Variants in RMND5B observed in about 807,000 individuals in gnomAD.
RMND5B encodes the protein E3 ubiquitin-protein transferase RMND5B.
In RMND5B, 42 loss-of-function variants were observed where a neutral mutation model predicts 50.4. The observed-to-expected ratio is 0.83, with a 90% CI of 0.65 to 1.08. The LOEUF is 1.08. Among genes scored for constraint, RMND5B ranks in the 50% least tolerant of loss-of-function variants. RMND5B has a pLI of 0.00. For missense variants in RMND5B, 463 were observed against 508.5 expected, an observed-to-expected ratio of 0.91 and a Z score of 0.86; for synonymous variants, 220 against 210.0, an observed-to-expected ratio of 1.05 and a Z score of -0.41.
At position 178,138,300 on chromosome 5, in the gene RMND5B, G is replaced by A; in HGVS notation, c.139+42G>A. The A allele has an allele frequency of 6.2e-7, 1 of 1,601,522 alleles. No individual in the cohort carries two copies. The highest frequency in any genetic ancestry group is 8.5e-7 in the Non-Finnish European group (1 of 1,173,628). ...GCAAGTGCCCTGCGACAGCCTCCCT[G>A]AGGACATGGGAGACCCGAAGCTACT... On this transcript the variant is annotated intron_variant, in intron 3 of 10. Coordinates refer to ENST00000313386, the MANE Select transcript of RMND5B (RefSeq NM_022762.5). The surrounding 1 kb of genome is among the most constrained non-coding windows in gnomAD (Gnocchi z 5.1).
rs780040819 is a variant in RMND5B at position 178,144,124 on chromosome 5, G to C, written c.694+16G>C. The C allele has an allele frequency of 5.7e-5, 91 of 1,610,138 alleles. No individual in the cohort carries two copies. The highest frequency in any genetic ancestry group is 7.3e-5 in the Non-Finnish European group (86 of 1,177,652). On this transcript the variant is annotated intron_variant, in intron 7 of 10. Coordinates refer to ENST00000313386, the MANE Select transcript of RMND5B (RefSeq NM_022762.5). Reference sequence around the variant, plus strand: ...CACCAGCGGGGTGAGTGCCCAGGCAGCTGGGGTTGTGCTGCCTGGCCTGAC... The same window carrying C: ...CACCAGCGGGGTGAGTGCCCAGGCACCTGGGGTTGTGCTGCCTGGCCTGAC...
chr5:178,143,948 C>A lies in RMND5B; in HGVS notation c.534C>A (p.Ala178=), dbSNP rs140368602. ...EQDLGPALEW[A]VSHRQRLLEL... ...CTGGCCCCTTTCTTCCCAGATGGGC[C>A]GTCTCCCACAGGCAGCGCCTGCTGG... Residue 178 remains alanine (A), a synonymous_variant, in exon 7 of 11, where the codon GCC becomes GCA. Transcript: ENST00000313386. 1.2e-6 allele frequency: 2 copies of A among 1,614,156 alleles called. No individual in the cohort carries two copies. The highest frequency in any genetic ancestry group is 1.7e-6 in the Non-Finnish European group (2 of 1,179,986).
At chr5:178,144,673 C>T (rs1175233442) in intron 7 of RMND5B, among the ~76,000 whole-genome samples, 5 of 149,472 alleles carry the variant, frequency 3.3e-5, no homozygotes, top group Admixed American at 6.7e-5. Context: ...GGAGCTTGAT[C>T]GCGCCACTGC....
intron 8 of RMND5B, chr5:178,146,585 A>G (rs1756019684): frequency 6.5e-6 from 2 of 307,890 alleles, no homozygotes; most frequent in East Asian, 1.2e-4. Flanking sequence ...CTTCCCAGCT[A>G]ACCCACGCCC....
chr5:178,135,324 G>A (rs1758565250), intron 2 of RMND5B: 2 of 197,232 alleles, frequency 1.0e-5, no homozygotes, highest in Admixed American at 5.9e-5. Flanking sequence ...TAAATTTGCC[G>A]TGTTGCCCAA....
In RMND5B at chr5:178,137,505, CAG is replaced by C. The variant is rs982640675; in HGVS notation, c.-12-597_-12-596del. The stretch of plus-strand genomic sequence containing the variant: ...GAGTTTGAGACCAGCCAGGGCAACA[CAG>C]AGAGACCCGTCTCTACGAAAAAAAA... On this transcript the variant is annotated intron_variant, in intron 2 of 10. Transcript: ENST00000313386. The surrounding 1 kb of genome is among the most constrained non-coding windows in gnomAD (Gnocchi z 4.4). 1.3e-5 allele frequency among the ~76,000 whole-genome samples: 2 copies of C among 151,944 alleles called. No homozygotes were observed. Among genetic ancestry groups the C allele is most frequent in the African/African-American group, 4.8e-5 (2 of 41,356 alleles).
chr5:178,148,252 AT>A lies in RMND5B; in HGVS notation c.*221del. ...GGCTCCATGGCATAAGGAAAGGGAGATGCTGGCCTCTGTGCTCCTGCTGTCT... is the reference window on the plus strand; with the variant it reads ...GGCTCCATGGCATAAGGAAAGGGAGAGCTGGCCTCTGTGCTCCTGCTGTCT... On this transcript the variant is annotated 3_prime_UTR_variant, in exon 11 of 11. Transcript: ENST00000313386. The A allele has an allele frequency of 1.7e-6, 1 of 597,184 alleles. No homozygotes were observed. The highest frequency in any genetic ancestry group is 3.0e-6 in the Non-Finnish European group (1 of 335,594). 37.0% of individuals were successfully genotyped at this position (597,184 alleles called of 1,614,324 possible).
At chr5:178,136,390 T>C (rs1249420314) in intron 2 of RMND5B, 1 of 152,180 alleles carries the variant, frequency 6.6e-6, no homozygotes. Context: ...TTTGCCATAA[T>C]GGGTCACATT....
At chr5:178,147,389 A>G (rs968786481) in intron 8 of RMND5B, 144 bp from the exon 9 acceptor site, 1 of 634,366 alleles carries the variant, frequency 1.6e-6, no homozygotes, top group Non-Finnish European at 2.8e-6. Context: ...TCTTATGAAC[A>G]ATGTGAGGGA....
chr5:178,148,163 A>G lies in RMND5B; in HGVS notation c.*131A>G. ...CTGGCTGAGGAGTTCCACTGAGGGG[A>G]GCACTGGAGCAGCCCTTTGGCAGAG... On this transcript the variant is annotated 3_prime_UTR_variant, in exon 11 of 11. Transcript: ENST00000313386. 2.4e-6 allele frequency: 2 copies of G among 840,108 alleles called. No homozygotes were observed. The highest frequency in any genetic ancestry group is 3.9e-6 in the Non-Finnish European group (2 of 511,852). The allele number at this position is 840,108 out of a possible 1,614,324, so 52.0% of individuals were successfully genotyped here.
intron 3 of RMND5B, chr5:178,142,189 G>A (rs1758982263): frequency 1.1e-5 from 2 of 176,388 alleles, no homozygotes; most frequent in Non-Finnish European, 2.4e-5. Flanking sequence ...TATTTCTTCT[G>A]GTATATCCTT....
In RMND5B at chr5:178,148,064, G is replaced by A. The variant is rs114802481; in HGVS notation, c.*32G>A. 1.6e-3 allele frequency: 2,553 copies of A among 1,601,880 alleles called. 42 individuals are homozygous for A. In the African/African-American group the frequency reaches 0.03, roughly 19 times the overall value. ...CCTGGAAGGAATTTTGTTGAAAGGG[G>A]TTTTCACCTGTGAGCCTTGGTCTGT... On this transcript the variant is annotated 3_prime_UTR_variant, in exon 11 of 11. Coordinates refer to ENST00000313386, the MANE Select transcript of RMND5B (RefSeq NM_022762.5).
rs1756223064 is a variant in RMND5B at position 178,149,950 on chromosome 5, G to A, written c.*1918G>A. 15 of 1,180,584 alleles carry A rather than the reference G, an allele frequency of 1.3e-5. No homozygotes were observed. Among genetic ancestry groups the A allele is most frequent in the Admixed American group, 4.3e-5 (2 of 46,324 alleles). The allele number at this position is 1,180,584 out of a possible 1,614,324, so 73.1% of individuals were successfully genotyped here. ...TCTGGCCCACAACCATGTTCTGTTC[G>A]GTCCATGTTCTATTTAAAAGCATCT... On this transcript the variant is annotated 3_prime_UTR_variant, in exon 11 of 11. Transcript: ENST00000313386.
At chr5:178,139,174 T>C (rs948507758) in intron 3 of RMND5B, among the ~76,000 whole-genome samples, 3 of 151,634 alleles carry the variant, frequency 2.0e-5, no homozygotes, top group Non-Finnish European at 4.4e-5. Flanking sequence ...AAATGAAACA[T>C]TGATATAATA....
rs867677484 is a variant in RMND5B at position 178,137,708 on chromosome 5, C to T, written c.-12-400C>T. Among the ~76,000 whole-genome samples the T allele has an allele frequency of 4.6e-5, 7 of 152,050 alleles. No individual in the cohort carries two copies. Among genetic ancestry groups the T allele is most frequent in the South Asian group, 2.1e-4 (1 of 4,820 alleles). On this transcript the variant is annotated intron_variant, in intron 2 of 10. Coordinates refer to ENST00000313386, the MANE Select transcript of RMND5B (RefSeq NM_022762.5). This position sits in a 1 kb window ranked among gnomAD's most constrained non-coding sequence, Gnocchi z 4.4. ...CTGTCTCAAAAAAAGAAAATACATA[C>T]GTGTAATATGACATTATGCAGTATA...
At chr5:178,143,563 C>CATAGCACATA in intron 5 of RMND5B, 64 bp from the exon 6 acceptor site, 1 of 1,255,864 alleles carries the variant, frequency 8.0e-7, no homozygotes, top group Admixed American at 1.8e-5. Context: ...TTATTATGTG[C>CATAGCACATA]ATAGCAGAGA....
intron 2 of RMND5B, among the ~76,000 whole-genome samples, chr5:178,133,214 C>T (rs1758429837): frequency 6.6e-6 from 1 of 152,124 alleles, no homozygotes; most frequent in African/African-American, 2.4e-5. Flanking sequence ...TTTGCTCAAA[C>T]TTCCTTTCTC....
rs1488439056 is a variant in RMND5B at position 178,149,980 on chromosome 5, T to C, written c.*1948T>C. 1 of 881,232 alleles carries C rather than the reference T, an allele frequency of 1.1e-6. No individual in the cohort carries two copies. The highest frequency in any genetic ancestry group is 1.7e-5 in the African/African-American group (1 of 59,338). 54.6% of individuals were successfully genotyped at this position (881,232 alleles called of 1,614,324 possible). On this transcript the variant is annotated 3_prime_UTR_variant, in exon 11 of 11. Coordinates refer to ENST00000313386, the MANE Select transcript of RMND5B (RefSeq NM_022762.5). ...ATGTTCTATTTAAAAGCATCTTGAA[T>C]TGGTTGCCATCATTTAAACTCAATC... is the stretch of plus-strand genomic sequence containing the variant.
chr5:178,133,293 G>A (rs995272849), intron 2 of RMND5B, among the ~76,000 whole-genome samples: 9 of 152,186 alleles, frequency 5.9e-5, no homozygotes, highest in African/African-American at 1.9e-4. Context: ...TGCCTTTGTG[G>A]AGATTTTAAT....
Sources: allele counts gnomAD v4.1 joint callset (sites outside exome capture counted in the v4.1 genomes callset), GRCh38; gene constraint gnomAD v4.1.1; non-coding constraint Gnocchi (gnomAD v3.1); transcripts MANE v1.5; gene names NCBI Gene and HGNC (gene_info 2026-07-23, HGNC 2026-07-21).